ABI3BP: variants seen among roughly 807,000 people sequenced by gnomAD.
The protein encoded by ABI3BP is ABI family member 3 binding protein, also known as target of Nesh-SH3.
Under a neutral mutation model 268.6 loss-of-function variants are expected in ABI3BP, and 216 were observed. That is an observed-to-expected ratio of 0.80 (90% CI 0.72 to 0.90). The LOEUF is 0.90. ABI3BP is among the 40% of genes least tolerant of loss of function. ABI3BP has a pLI of 0.00. For missense variants in ABI3BP, 2,090 were observed against 2,182.4 expected, an observed-to-expected ratio of 0.96 and a Z score of 0.84; for synonymous variants, 730 against 730.0, an observed-to-expected ratio of 1.00 and a Z score of 0.00.
chr3:100,849,491 C>T (rs62277063), intron 17 of ABI3BP, among the ~76,000 whole-genome samples: 48,830 of 151,856 alleles, frequency 0.32, 8,067 homozygotes, highest in African/African-American at 0.36. Flanking sequence ...CCCAAAGTGC[C>T]GGGATTACAG....
At chr3:100,897,857 T>C (rs1478881034) in intron 4 of ABI3BP, among the ~76,000 whole-genome samples, 1 of 152,208 alleles carries the variant, frequency 6.6e-6, no homozygotes, top group Non-Finnish European at 1.5e-5. Flanking sequence ...GTATTTAAAA[T>C]AGAAAACTTT....
chr3:100,797,325 C>T (rs765429244), intron 51 of ABI3BP, among the ~76,000 whole-genome samples: 15 of 151,948 alleles, frequency 9.9e-5, no homozygotes, highest in Non-Finnish European at 1.5e-5. Context: ...TTTGTTAGTA[C>T]CAGATTTCTG....
Position 100,749,348 on chromosome 3 carries a change from A to ACATCT in ABI3BP, c.*1142_*1146dup, listed in dbSNP as rs560548416. ...AAAAACTCAATCTTAAAAAAAAACT[A>ACATCT]CATCTCTTTATTGCAGAATTTATAC... is the stretch of plus-strand genomic sequence containing the variant. On this transcript the variant is annotated 3_prime_UTR_variant, in exon 68 of 68. Transcript: ENST00000471714. 3.9e-3 allele frequency: 1,117 copies of ACATCT among 287,838 alleles called. 6 individuals carry two copies. The highest frequency in any genetic ancestry group is 0.011 in the African/African-American group (507 of 46,408). The allele number at this position is 287,838 out of a possible 1,614,324, so 17.8% of individuals were successfully genotyped here. A position where few individuals can be genotyped will look rare whatever the true frequency, so the allele number is the denominator to read the frequency against.
chr3:100,867,736 C>G (rs1294442464), intron 9 of ABI3BP, among the ~76,000 whole-genome samples: 1 of 151,074 alleles, frequency 6.6e-6, no homozygotes, highest in Non-Finnish European at 1.5e-5. Flanking sequence ...CCACAAACAC[C>G]ACACATAGGA....
At chr3:100,872,981 G>C (rs912305636) in intron 9 of ABI3BP, among the ~76,000 whole-genome samples, 1 of 152,056 alleles carries the variant, frequency 6.6e-6, no homozygotes, top group Non-Finnish European at 1.5e-5. Context: ...TGAACCATAC[G>C]TTTTGGAAAA....
intron 1 of ABI3BP, 127 bp from the exon 2 acceptor site, chr3:100,926,608 A>G (rs2153641498): frequency 3.6e-6 from 3 of 843,862 alleles, no homozygotes; most frequent in East Asian, 2.6e-5. Context: ...TTTGCTACTC[A>G]GTATTACAGC....
intron 1 of ABI3BP, among the ~76,000 whole-genome samples, chr3:100,942,722 T>C (rs368125697): frequency 7.9e-5 from 12 of 152,122 alleles, no homozygotes; most frequent in Admixed American, 7.9e-4. Context: ...CAACATCATC[T>C]GGGAACTTGT....
intron 1 of ABI3BP, among the ~76,000 whole-genome samples, chr3:100,931,589 CA>C (rs1275641002): frequency 2.0e-5 from 3 of 151,734 alleles, no homozygotes; most frequent in Non-Finnish European, 4.4e-5. Context: ...ATCAAGAATA[CA>C]ATACCATTCA....
chr3:100,813,513 G>T (rs73135512), intron 45 of ABI3BP, 148 bp downstream of exon 45: 1 of 551,034 alleles, frequency 1.8e-6, no homozygotes. Context: ...TAACAATATG[G>T]AATCACAAAA....
intron 58 of ABI3BP, 155 bp from the exon 59 acceptor site, chr3:100,778,531 T>TGG: frequency 1.5e-6 from 1 of 650,708 alleles, no homozygotes; most frequent in Middle Eastern, 4.2e-4. Flanking sequence ...CACAAATATA[T>TGG]TCAGATATTC....
intron 20 of ABI3BP, 31 bp from the exon 21 acceptor site, chr3:100,842,070 A>G: frequency 6.6e-7 from 1 of 1,508,618 alleles, no homozygotes; most frequent in Non-Finnish European, 8.9e-7. Flanking sequence ...ATCAAAAGCA[A>G]TGCTGAAGAG....
In ABI3BP at chr3:100,991,833, G is replaced by A. The variant is rs369446631; in HGVS notation, c.79+1473C>T. Among the ~76,000 whole-genome samples the A allele has an allele frequency of 8.9e-4, 135 of 152,066 alleles. 2 individuals carry two copies. In the South Asian group the frequency reaches 0.028, roughly 31 times the overall value. On this transcript the variant is annotated intron_variant, in intron 1 of 67. Transcript: ENST00000471714. ...AATTGTGTCAAGAGATTTGTGTCTA[G>A]TGATTGCAACACGATAATTAAAGCA...
In ABI3BP at chr3:100,920,969, C is replaced by G. The variant is rs532649199; in HGVS notation, c.259+5333G>C. Among the ~76,000 whole-genome samples the G allele has an allele frequency of 4.5e-4, 69 of 152,276 alleles. 1 individual carries two copies. Among genetic ancestry groups the G allele is most frequent in the Non-Finnish European group, 7.6e-4 (52 of 68,024 alleles). On this transcript the variant is annotated intron_variant, in intron 2 of 67. Transcript: ENST00000471714. The stretch of plus-strand genomic sequence containing the variant: ...TTCCTAGAACACAGATTTTAGCATC[C>G]TTGTCCAGGACTTTTTTCAGCTTAG...
intron 55 of ABI3BP, 85 bp from the exon 56 acceptor site, chr3:100,789,601 T>A (rs1234366540): frequency 7.7e-6 from 10 of 1,300,288 alleles, no homozygotes; most frequent in Non-Finnish European, 9.7e-6. Flanking sequence ...GACCAACAAC[T>A]CATACACTTT....
intron 1 of ABI3BP, among the ~76,000 whole-genome samples, chr3:100,966,245 A>C (rs1330080867): frequency 6.6e-6 from 1 of 152,230 alleles, no homozygotes; most frequent in African/African-American, 2.4e-5. Flanking sequence ...GTTATCAATA[A>C]ACCCAGTTTC....
chr3:100,784,874 AC>A (rs1342927613), intron 57 of ABI3BP, among the ~76,000 whole-genome samples: 10 of 152,092 alleles, frequency 6.6e-5, no homozygotes, highest in Non-Finnish European at 1.0e-4. Context: ...AACTTTAGAG[AC>A]CCAGAAGGGG....
At chr3:100,873,756 G>T (rs969846456) in intron 9 of ABI3BP, among the ~76,000 whole-genome samples, 3 of 152,190 alleles carry the variant, frequency 2.0e-5, no homozygotes, top group Admixed American at 2.0e-4. Context: ...GAAAGTAAGG[G>T]CCTTGTCTGA....
At chr3:100,866,855 TCAA>T (rs1344012839) in intron 10 of ABI3BP, 21 bp downstream of exon 10, 3 of 1,603,896 alleles carry the variant, frequency 1.9e-6, no homozygotes, top group South Asian at 2.2e-5. Context: ...TTTCTCAAGG[TCAA>T]CAACATAGCG....
intron 43 of ABI3BP, chr3:100,816,345 C>A: frequency 9.3e-6 from 4 of 430,782 alleles, no homozygotes; most frequent in East Asian, 4.3e-5. Flanking sequence ...AAAATAAATG[C>A]CTGTTTATGT....
Sources: allele counts gnomAD v4.1 joint callset (sites outside exome capture counted in the v4.1 genomes callset), GRCh38; gene constraint gnomAD v4.1.1; transcripts MANE v1.5; gene names NCBI Gene and HGNC (gene_info 2026-07-23, HGNC 2026-07-21).